UVRAG: variants seen among roughly 807,000 people sequenced by gnomAD.
UVRAG encodes the protein UV radiation resistance-associated gene protein.
A neutral mutation model predicts 78.0 loss-of-function variants in UVRAG; 19 were observed. The observed-to-expected ratio is 0.24, with a 90% confidence interval of 0.17 to 0.36. The LOEUF is 0.36. Among genes scored for constraint, UVRAG ranks in the 10% least tolerant of loss-of-function variants. The pLI is 1.00. For synonymous variants in UVRAG, 323 were observed against 324.6 expected (o/e 1.00, Z 0.05); for missense variants, 740 against 853.8 (o/e 0.87, Z 1.66).
chr11:75,961,359 C>A, intron 6 of UVRAG, 85 bp from the exon 7 acceptor site: 1 of 969,392 alleles, frequency 1.0e-6, no homozygotes, highest in Non-Finnish European at 1.5e-6. Context: ...TTCTATGTAT[C>A]CTCCAGGTTT....
intron 2 of UVRAG, among the ~76,000 whole-genome samples, chr11:75,854,451 T>A (rs1158896615): frequency 6.6e-6 from 1 of 152,056 alleles, no homozygotes; most frequent in African/African-American, 2.4e-5. Context: ...AGTCTCAGTC[T>A]GTTTGCCCAG....
rs372054183 is a variant in UVRAG at position 76,036,452 on chromosome 11, C to G, written c.1226+19472C>G. ...ACTGAGGAGGCTGAAGTGGGAGGAT[C>G]ACTTGAGCCCAGGAGGTCAAGGCTG... is the stretch of plus-strand genomic sequence containing the variant. On this transcript the variant is annotated intron_variant, in intron 12 of 14. Transcript: ENST00000356136. Among the ~76,000 whole-genome samples, 264 of 152,130 alleles carry G rather than the reference C, an allele frequency of 1.7e-3. 1 individual carries two copies. The highest frequency in any genetic ancestry group is 6.1e-3 in the African/African-American group (253 of 41,524).
At chr11:75,880,639 C>T (rs967633295) in intron 4 of UVRAG, among the ~76,000 whole-genome samples, 1 of 152,120 alleles carries the variant, frequency 6.6e-6, no homozygotes, top group Non-Finnish European at 1.5e-5. Context: ...ACCACAGCCT[C>T]CGCCTCCCAA....
In UVRAG at chr11:76,141,384, C is replaced by T. The variant is rs780023573; in HGVS notation, c.2071C>T (p.Arg691Cys). 19 of 1,613,688 alleles carry T rather than the reference C, an allele frequency of 1.2e-5. No individual in the cohort carries two copies. Among genetic ancestry groups the T allele is most frequent in the South Asian group, 8.8e-5 (8 of 91,062 alleles). Residue 691 changes from arginine (R) to cysteine (C), a missense_variant, in exon 15 of 15, where the codon CGC becomes TGC. By Grantham distance (180) the Arg-to-Cys change is radical. Transcript: ENST00000356136. ...ACTGAATGAAAACGTATCCAGCTTC[C>T]GCCGGCCGCGCAGGAGTTCCGATAA... ...YALNENVSSF[R>C]RPRRSSDK
chr11:76,139,493 C>A (rs2134515570), intron 14 of UVRAG, among the ~76,000 whole-genome samples: 1 of 152,288 alleles, frequency 6.6e-6, no homozygotes. Flanking sequence ...GTTTCAAGTT[C>A]TGCCTCTACC....
chr11:76,125,433 T>A lies in UVRAG; in HGVS notation c.1397+9418T>A, dbSNP rs1204330506. On this transcript the variant is annotated intron_variant, in intron 14 of 14. Transcript: ENST00000356136. ...AAAGACCTTAGGGGACCAGGCTTCT[T>A]CCATAACTCATTCCAGAGTTTAAAC... 2.0e-5 allele frequency among the ~76,000 whole-genome samples: 3 copies of A among 152,182 alleles called. No homozygotes were observed. In the East Asian group the frequency reaches 5.8e-4, roughly 29 times the overall value.
At chr11:75,882,770 G>A (rs1329562475) in intron 4 of UVRAG, among the ~76,000 whole-genome samples, 1 of 151,882 alleles carries the variant, frequency 6.6e-6, no homozygotes, top group Non-Finnish European at 1.5e-5. Context: ...TAGATTCCAC[G>A]GACAAGTGAG....
intron 1 of UVRAG, among the ~76,000 whole-genome samples, chr11:75,851,528 T>C (rs1226222784): frequency 6.6e-6 from 1 of 152,232 alleles, no homozygotes; most frequent in Non-Finnish European, 1.5e-5. Context: ...ATTTTATATG[T>C]CTATCAGAAT....
At chr11:76,042,764 T>A (rs1419944407) in intron 12 of UVRAG, among the ~76,000 whole-genome samples, 1 of 152,206 alleles carries the variant, frequency 6.6e-6, no homozygotes, top group Non-Finnish European at 1.5e-5. Context: ...AGTTTGCCCT[T>A]ACCTATCTGT....
rs1945230943 is a variant in UVRAG at position 75,815,241 on chromosome 11, C to T, written c.-167C>T. 1.1e-5 allele frequency: 5 copies of T among 452,248 alleles called. No homozygotes were observed. The highest frequency in any genetic ancestry group is 1.9e-5 in the Non-Finnish European group (5 of 261,182). The allele number at this position is 452,248 out of a possible 1,614,324, so 28.0% of individuals were successfully genotyped here. A position where few individuals can be genotyped will look rare whatever the true frequency, so the allele number is the denominator to read the frequency against. On this transcript the variant is annotated 5_prime_UTR_variant, in exon 1 of 15. Transcript: ENST00000356136. Reference sequence around the variant, plus strand: ...ATGGCTCTTCCTTAGCCAGCGGCGGCAACGGCGGCAGCGGCGGCAGCGGCG... The same window carrying T: ...ATGGCTCTTCCTTAGCCAGCGGCGGTAACGGCGGCAGCGGCGGCAGCGGCG...
chr11:76,079,604 C>T (rs1482022348), intron 13 of UVRAG, among the ~76,000 whole-genome samples: 1 of 151,996 alleles, frequency 6.6e-6, no homozygotes, highest in Non-Finnish European at 1.5e-5. Flanking sequence ...TTATGTAAGT[C>T]CAATACAATA....
chr11:76,065,887 C>A, intron 13 of UVRAG, 99 bp downstream of exon 13: 1 of 1,064,492 alleles, frequency 9.4e-7, no homozygotes, highest in Non-Finnish European at 1.4e-6. Flanking sequence ...TGCAGTTGAC[C>A]CTCGCATTTA....
At chr11:75,828,805 A>T (rs7929527) in intron 1 of UVRAG, among the ~76,000 whole-genome samples, 75,709 of 99,996 alleles carry the variant, frequency 0.76, 28,274 homozygotes, top group Non-Finnish European at 0.81. Context: ...ATATATATAT[A>T]TTTTTTTTTT....
chr11:76,060,958 C>T (rs903352927), intron 12 of UVRAG, among the ~76,000 whole-genome samples: 1 of 152,214 alleles, frequency 6.6e-6, no homozygotes, highest in African/African-American at 2.4e-5. Context: ...GGGCGCATGG[C>T]GCGGGACTGG....
At chr11:76,096,216 A>C (rs1951782990) in intron 13 of UVRAG, among the ~76,000 whole-genome samples, 1 of 152,232 alleles carries the variant, frequency 6.6e-6, no homozygotes, top group African/African-American at 2.4e-5. Flanking sequence ...GAAACCAAGG[A>C]TCCCTTCTAT....
chr11:75,942,107 T>C (rs1272157048), intron 6 of UVRAG: 1 of 152,212 alleles, frequency 6.6e-6, no homozygotes, highest in African/African-American at 2.4e-5. Context: ...TGAAAATAGT[T>C]AAGGGAAAAA....
In UVRAG at chr11:76,016,891, A is replaced by T; in HGVS notation, c.1137A>T (p.Gln379His). 1 of 1,612,740 alleles carries T rather than the reference A, an allele frequency of 6.2e-7. No individual in the cohort carries two copies. Among genetic ancestry groups the T allele is most frequent in the African/African-American group, 1.3e-5 (1 of 74,998 alleles). ...TCTCCATGATTTCCTTTTTCCTACAAGTGCCCCTCAGATATCCTATAATTC... is the reference window on the plus strand; with the variant it reads ...TCTCCATGATTTCCTTTTTCCTACATGTGCCCCTCAGATATCCTATAATTC... ...HLVSMISFFLQVPLRYPIIHK... is the reference protein window; with the variant it reads ...HLVSMISFFLHVPLRYPIIHK... Residue 379 changes from glutamine (Q) to histidine (H), a missense_variant, in exon 12 of 15, where the codon CAA becomes CAT. Coordinates refer to ENST00000356136, the MANE Select transcript of UVRAG (RefSeq NM_003369.4).
intron 1 of UVRAG, among the ~76,000 whole-genome samples, chr11:75,849,766 C>T (rs761380787): frequency 6.6e-6 from 1 of 152,120 alleles, no homozygotes; most frequent in Non-Finnish European, 1.5e-5. Flanking sequence ...TCTTACTTGT[C>T]CTAATAAGGG....
At chr11:75,925,043 C>T (rs183305269) in intron 6 of UVRAG, among the ~76,000 whole-genome samples, 3 of 152,312 alleles carry the variant, frequency 2.0e-5, no homozygotes, top group Admixed American at 2.0e-4. Context: ...TGTTCTCTGT[C>T]TCTGCCCCTG....
Sources: gnomAD v4.1 joint callset for allele counts (sites outside exome capture counted in the v4.1 genomes callset) on GRCh38, gnomAD v4.1.1 for gene constraint, MANE v1.5 for transcripts, NCBI Gene and HGNC (gene_info 2026-07-23, HGNC 2026-07-21) for gene names.